The following KCNH8 variants were observed in gnomAD, a reference collection of about 807,000 sequenced individuals.
KCNH8 encodes potassium voltage-gated channel subfamily H member 8, also known as voltage-gated delayed rectifier potassium channel KCNH8.
In KCNH8, 70 loss-of-function variants were observed where a neutral mutation model predicts 103.6. That is an observed-to-expected ratio of 0.68 (90% CI 0.56 to 0.82). KCNH8 has a LOEUF of 0.82. Among genes scored for constraint, KCNH8 ranks in the 40% least tolerant of loss-of-function variants. The probability of loss-of-function intolerance (pLI) is 0.00; values close to 1 mark genes in which losing one functional copy is unlikely to be tolerated. For missense variants in KCNH8, 1,217 were observed against 1,329.9 expected (o/e 0.92, Z 1.32); for synonymous variants, 498 against 489.4 (o/e 1.02, Z -0.23).
intron 11 of KCNH8, among the ~76,000 whole-genome samples, chr3:19,488,212 G>A (rs1027391448): frequency 6.6e-6 from 1 of 152,156 alleles, no homozygotes; most frequent in Admixed American, 6.5e-5. Flanking sequence ...CCTTACAATA[G>A]GAGCATTGGT....
intron 3 of KCNH8, among the ~76,000 whole-genome samples, chr3:19,328,731 A>G (rs1425992144): frequency 2.0e-5 from 3 of 152,188 alleles, no homozygotes; most frequent in Non-Finnish European, 4.4e-5. Flanking sequence ...TGATTCATAC[A>G]TTATTTTGTG....
chr3:19,483,329 CA>C (rs1345063334), intron 11 of KCNH8, among the ~76,000 whole-genome samples: 1 of 152,132 alleles, frequency 6.6e-6, no homozygotes, highest in Non-Finnish European at 1.5e-5. Flanking sequence ...GAACTCCACC[CA>C]GTGACTGTTT....
At chr3:19,298,847 G>A (rs561301201) in intron 3 of KCNH8, among the ~76,000 whole-genome samples, 117 of 151,520 alleles carry the variant, frequency 7.7e-4, no homozygotes, top group Non-Finnish European at 1.5e-3. Context: ...GCGTGAACCC[G>A]GGAGGCGCAG....
chr3:19,400,514 C>G (rs1466177985), intron 7 of KCNH8, among the ~76,000 whole-genome samples: 1 of 151,900 alleles, frequency 6.6e-6, no homozygotes. Context: ...TAATCTACTT[C>G]AAAGGTCAAA....
intron 7 of KCNH8, among the ~76,000 whole-genome samples, chr3:19,410,710 C>G (rs1042048331): frequency 2.0e-5 from 3 of 151,878 alleles, no homozygotes; most frequent in African/African-American, 7.2e-5. Flanking sequence ...ACAAAAGATT[C>G]TCAGAGAGTG....
intron 1 of KCNH8, among the ~76,000 whole-genome samples, chr3:19,230,552 A>T (rs531409724): frequency 6.6e-6 from 1 of 152,330 alleles, no homozygotes; most frequent in East Asian, 1.9e-4. Flanking sequence ...TATTTGTGAT[A>T]AATGGTTATA....
At chr3:19,254,027 C>T (rs918884253) in intron 2 of KCNH8, 140 bp downstream of exon 2, 1 of 631,424 alleles carries the variant, frequency 1.6e-6, no homozygotes, top group Non-Finnish European at 2.8e-6. Flanking sequence ...CCACAAATGA[C>T]TTGGATGATA....
At chr3:19,267,341 T>G (rs2064526611) in intron 2 of KCNH8, among the ~76,000 whole-genome samples, 1 of 152,010 alleles carries the variant, frequency 6.6e-6, no homozygotes, top group South Asian at 2.1e-4. Context: ...AGAATACGTA[T>G]TTTACTCTAC....
intron 15 of KCNH8, 131 bp downstream of exon 15, chr3:19,518,205 G>C (rs1420606559): frequency 1.6e-5 from 10 of 638,762 alleles, no homozygotes; most frequent in Non-Finnish European, 2.7e-5. Context: ...GTGAATCTCT[G>C]CTCTGCCTCA....
chr3:19,474,138 G>C (rs1219246015), intron 11 of KCNH8, among the ~76,000 whole-genome samples: 1 of 152,142 alleles, frequency 6.6e-6, no homozygotes, highest in African/African-American at 2.4e-5. Flanking sequence ...TCAACTGTTA[G>C]ATTTAGTGCA....
At chr3:19,178,893 G>C (rs1277971543) in intron 1 of KCNH8, among the ~76,000 whole-genome samples, 1 of 152,132 alleles carries the variant, frequency 6.6e-6, no homozygotes, top group Non-Finnish European at 1.5e-5. Flanking sequence ...TCACTCCTGA[G>C]GCAGGAGGCT....
chr3:19,501,780 A>G (rs971563808), intron 11 of KCNH8, among the ~76,000 whole-genome samples: 3 of 152,196 alleles, frequency 2.0e-5, no homozygotes, highest in Non-Finnish European at 2.9e-5. Context: ...GTATCTCAAA[A>G]TAATAAGAGC....
At chr3:19,311,427 A>ATAGCCATT (rs2125297352) in intron 3 of KCNH8, among the ~76,000 whole-genome samples, 2 of 151,736 alleles carry the variant, frequency 1.3e-5, no homozygotes, top group South Asian at 4.2e-4. Flanking sequence ...ATTAACTACT[A>ATAGCCATT]TAGCCATTTA....
rs143583467 is a variant in KCNH8 at position 19,425,429 on chromosome 3, C to T, written c.1178-12735C>T. Among the ~76,000 whole-genome samples, 608 of 152,268 alleles carry T rather than the reference C, an allele frequency of 4.0e-3. 5 individuals carry two copies. Among genetic ancestry groups the T allele is most frequent in the African/African-American group, 0.014 (573 of 41,552 alleles). ...TGCAAGATAATAAAGACCTTTCTCC[C>T]TTATTTTTATATTTCACACAACAAC... On this transcript the variant is annotated intron_variant, in intron 7 of 15. Transcript: ENST00000328405.
chr3:19,490,507 T>G (rs1274453829), intron 11 of KCNH8, among the ~76,000 whole-genome samples: 1 of 152,198 alleles, frequency 6.6e-6, no homozygotes, highest in Non-Finnish European at 1.5e-5. Context: ...TTCACAGTGC[T>G]TTTCCATACA....
intron 3 of KCNH8, among the ~76,000 whole-genome samples, chr3:19,337,216 T>C (rs1339502305): frequency 6.6e-6 from 1 of 152,098 alleles, no homozygotes; most frequent in Admixed American, 6.6e-5. Context: ...TAGGTTTGTT[T>C]TATGCTTTTT....
rs1491066162 is a variant in KCNH8 at position 19,403,399 on chromosome 3, T to TATATATAA, written c.1177+8089_1177+8090insTATATAAA. The stretch of plus-strand genomic sequence containing the variant: ...ATATATATATATATATATATATATA[T>TATATATAA]AAAATCCTTCTGTTTATGGTATTAC... On this transcript the variant is annotated intron_variant, in intron 7 of 15. Coordinates refer to ENST00000328405, the MANE Select transcript of KCNH8 (RefSeq NM_144633.3). Among the ~76,000 whole-genome samples the TATATATAA allele has an allele frequency of 2.1e-5, 3 of 139,794 alleles. No homozygotes were observed. The East Asian group carries it at 6.7e-4, about 31-fold the overall frequency. 91.7% of individuals were successfully genotyped at this position (139,794 alleles called of 152,430 possible). A position where few individuals can be genotyped will look rare whatever the true frequency, so the allele number is the denominator to read the frequency against.
intron 12 of KCNH8, among the ~76,000 whole-genome samples, chr3:19,511,948 T>A (rs532765078): frequency 1.3e-5 from 2 of 152,268 alleles, no homozygotes; most frequent in Admixed American, 1.3e-4. Context: ...AAAATCCATA[T>A]ACACCAAAAA....
intron 3 of KCNH8, among the ~76,000 whole-genome samples, chr3:19,330,815 T>A (rs2065494756): frequency 6.6e-6 from 1 of 152,218 alleles, no homozygotes; most frequent in South Asian, 2.1e-4. Context: ...CATAACTTAT[T>A]TAAATTTAGA....
Sources: allele counts gnomAD v4.1 joint callset (sites outside exome capture counted in the v4.1 genomes callset), GRCh38; gene constraint gnomAD v4.1.1; transcripts MANE v1.5; gene names NCBI Gene and HGNC (gene_info 2026-07-23, HGNC 2026-07-21).